The following KAT6B variants were observed in gnomAD, a reference collection of about 807,000 sequenced individuals.
The protein encoded by KAT6B is lysine acetyltransferase 6B.
Under a neutral mutation model 187.5 loss-of-function variants are expected in KAT6B, and 10 were observed. The observed-to-expected ratio is 0.05, with a 90% CI of 0.03 to 0.09. The LOEUF (loss-of-function observed/expected upper bound fraction) is 0.09. Ranked by LOEUF, KAT6B falls within the 10% of genes least tolerant of loss-of-function variation. The pLI is 1.00. For missense variants in KAT6B, 1,952 were observed against 2,558.9 expected (o/e 0.76, Z 5.12); for synonymous variants, 861 against 926.8 (o/e 0.93, Z 1.29).
At position 75,020,666 on chromosome 10, in the gene KAT6B, A is replaced by G; in HGVS notation, c.2714A>G (p.Tyr905Cys). ...SDLGRLSYLA[Y>C]WKSVILEYLY... ...CTGGGCCGTCTCTCCTACCTGGCAT[A>G]TTGGAAGAGCGTCATCTTGGAGTAT... is the stretch of plus-strand genomic sequence containing the variant. Residue 905 changes from tyrosine to cysteine, a missense_variant, in exon 14 of 18, where the codon TAT becomes TGT. Tyr to Cys is a radical substitution (Grantham distance 194). Transcript: ENST00000287239. 6.2e-7 allele frequency: 1 copy of G among 1,614,240 alleles called. No homozygotes were observed. The highest frequency in any genetic ancestry group is 8.5e-7 in the Non-Finnish European group (1 of 1,180,036).
chr10:74,923,171 TTATCA>T (rs1848259656), intron 3 of KAT6B, among the ~76,000 whole-genome samples: 2 of 152,178 alleles, frequency 1.3e-5, no homozygotes, highest in Non-Finnish European at 2.9e-5. Flanking sequence ...CAAGACAACT[TTATCA>T]ATGAGTCATG....
chr10:74,942,519 A>C (rs1432538165), intron 3 of KAT6B, among the ~76,000 whole-genome samples: 1 of 151,994 alleles, frequency 6.6e-6, no homozygotes, highest in Non-Finnish European at 1.5e-5. Flanking sequence ...TAATCCCAGC[A>C]CTTTGGGAGG....
chr10:74,918,798 T>G (rs576597237), intron 3 of KAT6B, among the ~76,000 whole-genome samples: 1 of 152,288 alleles, frequency 6.6e-6, no homozygotes, highest in East Asian at 1.9e-4. Context: ...TAATTTTTGT[T>G]TATTTCATAT....
intron 3 of KAT6B, among the ~76,000 whole-genome samples, chr10:74,880,937 T>TG (rs1235043110): frequency 2.0e-5 from 3 of 150,802 alleles, no homozygotes; most frequent in African/African-American, 7.4e-5. Flanking sequence ...TCTCTTTTTT[T>TG]TTTTGAGACG....
intron 13 of KAT6B, among the ~76,000 whole-genome samples, chr10:75,016,375 T>G (rs1844972442): frequency 6.6e-6 from 1 of 152,254 alleles, no homozygotes; most frequent in East Asian, 1.9e-4. Flanking sequence ...ACATTGTTCT[T>G]CCTTTCCCTT....
At chr10:74,987,763 C>T (rs111953065) in intron 12 of KAT6B, among the ~76,000 whole-genome samples, 48 of 152,268 alleles carry the variant, frequency 3.2e-4, no homozygotes, top group African/African-American at 1.1e-3. Flanking sequence ...CAAAAAACTC[C>T]GAAAGGTGGA....
At chr10:74,861,769 G>A (rs1843207205) in intron 3 of KAT6B, among the ~76,000 whole-genome samples, 2 of 152,120 alleles carry the variant, frequency 1.3e-5, no homozygotes, top group African/African-American at 2.4e-5. Flanking sequence ...TATAATAGAC[G>A]TCACTGAGAA....
At chr10:74,885,076 T>A (rs10762647) in intron 3 of KAT6B, among the ~76,000 whole-genome samples, 36,521 of 151,770 alleles carry the variant, frequency 0.24, 7,884 homozygotes, top group African/African-American at 0.57. Flanking sequence ...TTAATTTATT[T>A]ATTTATTTAG....
intron 3 of KAT6B, among the ~76,000 whole-genome samples, chr10:74,880,129 T>C (rs537706794): frequency 1.3e-5 from 2 of 152,322 alleles, no homozygotes; most frequent in African/African-American, 4.8e-5. Flanking sequence ...TGTAATTCAG[T>C]GGTTTTTAGT....
chr10:74,967,216 G>GCCTT (rs1307865646), intron 4 of KAT6B, among the ~76,000 whole-genome samples: 2 of 151,562 alleles, frequency 1.3e-5, no homozygotes, highest in African/African-American at 4.9e-5. Flanking sequence ...TCTAGTCCCA[G>GCCTT]CTACTAAGGA....
intron 13 of KAT6B, among the ~76,000 whole-genome samples, chr10:75,003,341 C>T (rs1041151371): frequency 2.0e-5 from 3 of 152,236 alleles, no homozygotes; most frequent in Admixed American, 1.3e-4. Context: ...AAGAAGCTGT[C>T]AAGAAAGCTT....
intron 3 of KAT6B, among the ~76,000 whole-genome samples, chr10:74,941,726 G>A (rs1405570538): frequency 6.6e-6 from 1 of 152,118 alleles, no homozygotes; most frequent in Non-Finnish European, 1.5e-5. Context: ...TCAGACAACT[G>A]ACAACATAAT....
chr10:74,939,339 AG>A (rs747710008), intron 3 of KAT6B, among the ~76,000 whole-genome samples: 9 of 152,308 alleles, frequency 5.9e-5, no homozygotes, highest in Middle Eastern at 3.4e-3. Context: ...ATCACATACT[AG>A]GGGCTAAGGA....
At chr10:74,968,384 GT>G (rs879482770) in intron 4 of KAT6B, among the ~76,000 whole-genome samples, 139 of 146,198 alleles carry the variant, frequency 9.5e-4, no homozygotes, top group Middle Eastern at 3.6e-3. Context: ...GATGTTTAGA[GT>G]TTTTTTTTTT....
intron 15 of KAT6B, 111 bp downstream of exon 15, chr10:75,021,396 T>C: frequency 9.9e-7 from 1 of 1,011,652 alleles, no homozygotes; most frequent in Non-Finnish European, 1.5e-6. Flanking sequence ...AGAGATAGCA[T>C]GTGAAATGAT....
chr10:74,830,033 A>C (rs533125173), intron 1 of KAT6B, among the ~76,000 whole-genome samples: 21 of 151,830 alleles, frequency 1.4e-4, no homozygotes, highest in African/African-American at 2.9e-4. Flanking sequence ...AAAAAAACAA[A>C]AAAAAAAGAA....
intron 7 of KAT6B, among the ~76,000 whole-genome samples, chr10:74,974,057 C>T (rs1168110567): frequency 6.6e-6 from 1 of 152,146 alleles, no homozygotes; most frequent in Non-Finnish European, 1.5e-5. Flanking sequence ...CCTTTCTGGG[C>T]AATCGATTCC....
intron 2 of KAT6B, among the ~76,000 whole-genome samples, chr10:74,841,355 C>G (rs1564514652): frequency 6.6e-6 from 1 of 152,134 alleles, no homozygotes; most frequent in Non-Finnish European, 1.5e-5. Flanking sequence ...GGGCTGAGGT[C>G]AGGAGTTTGA....
intron 3 of KAT6B, among the ~76,000 whole-genome samples, chr10:74,848,720 A>G (rs1234024893): frequency 6.6e-6 from 1 of 152,180 alleles, no homozygotes; most frequent in Non-Finnish European, 1.5e-5. Context: ...ATTTTAAAAT[A>G]GTTTGAGTTT....
Sources: gnomAD v4.1 joint callset for allele counts (sites outside exome capture counted in the v4.1 genomes callset) on GRCh38, gnomAD v4.1.1 for gene constraint, MANE v1.5 for transcripts, NCBI Gene and HGNC (gene_info 2026-07-23, HGNC 2026-07-21) for gene names.